Variants in WIPF1 observed in about 807,000 individuals in gnomAD.
The protein encoded by WIPF1 is WAS/WASL interacting protein family member 1.
WIPF1 carries 13 observed loss-of-function variants against 35.4 expected under a neutral mutation model. That is an observed-to-expected ratio of 0.37 (90% CI 0.24 to 0.58). The LOEUF is 0.58. WIPF1 is among the 20% of genes least tolerant of loss of function. The pLI is 0.74. For missense variants in WIPF1, 591 were observed against 667.0 expected (o/e 0.89, Z 1.25); for synonymous variants, 267 against 266.3 (o/e 1.00, Z -0.02).
At chr2:174,675,833 C>T (rs1463213701) in intron 1 of WIPF1, among the ~76,000 whole-genome samples, 4 of 7,086 alleles carry the variant, frequency 5.6e-4, no homozygotes, top group South Asian at 4.1e-3. Flanking sequence ...GGGGTGGAGG[C>T]GGGGGTGTGA....
At chr2:174,626,540 A>G (rs1686836981) in intron 1 of WIPF1, among the ~76,000 whole-genome samples, 1 of 152,044 alleles carries the variant, frequency 6.6e-6, no homozygotes, top group Admixed American at 6.5e-5. Context: ...ATCCCAAACA[A>G]AAGTCTTAGT....
intron 1 of WIPF1, among the ~76,000 whole-genome samples, chr2:174,653,863 C>A (rs948132115): frequency 6.6e-6 from 1 of 152,054 alleles, no homozygotes; most frequent in African/African-American, 2.4e-5. Flanking sequence ...CAGTGCTTTG[C>A]CACTGATCAC....
chr2:174,574,912 T>C, intron 4 of WIPF1: 1 of 715,888 alleles, frequency 1.4e-6, no homozygotes, highest in Non-Finnish European at 2.6e-6. Flanking sequence ...TTCTATTTGC[T>C]CCTCCCTTTT....
intron 3 of WIPF1, 62 bp downstream of exon 3, chr2:174,581,248 T>C: frequency 1.3e-6 from 2 of 1,593,844 alleles, no homozygotes; most frequent in Non-Finnish European, 1.7e-6. Context: ...GTGGTGAGGG[T>C]AGGGTTGATT....
chr2:174,583,158 T>C (rs1470383730), intron 2 of WIPF1, among the ~76,000 whole-genome samples: 1 of 152,240 alleles, frequency 6.6e-6, no homozygotes, highest in African/African-American at 2.4e-5. Flanking sequence ...GTTAAAAGTT[T>C]CTCTGCTGTC....
chr2:174,602,466 A>G (rs1038792033), upstream of WIPF1, among the ~76,000 whole-genome samples: 9 of 152,230 alleles, frequency 5.9e-5, no homozygotes, highest in Non-Finnish European at 1.3e-4. Context: ...GTTTTATAAT[A>G]CTGCATCCCG....
intron 1 of WIPF1, among the ~76,000 whole-genome samples, chr2:174,604,854 T>C (rs565458559): frequency 8.5e-5 from 13 of 152,362 alleles, no homozygotes; most frequent in African/African-American, 3.1e-4. Context: ...GATCCAGATC[T>C]GGAGTAACTC....
chr2:174,564,640 A>G (rs1278670609), intron 7 of WIPF1, among the ~76,000 whole-genome samples: 1 of 152,180 alleles, frequency 6.6e-6, no homozygotes, highest in Non-Finnish European at 1.5e-5. Context: ...GGGTACAGGG[A>G]AGATGGTCTA....
intron 1 of WIPF1, among the ~76,000 whole-genome samples, chr2:174,632,568 G>A (rs139393339): frequency 1.6e-3 from 238 of 151,978 alleles, no homozygotes; most frequent in African/African-American, 4.8e-3. Flanking sequence ...TATTAGCCAC[G>A]TGTGGTGATG....
chr2:174,623,576 C>G (rs942502354), intron 1 of WIPF1: 1 of 152,230 alleles, frequency 6.6e-6, no homozygotes, highest in Admixed American at 6.5e-5. Context: ...ATACCCAAAT[C>G]TCAGTCTATG....
At chr2:174,597,171 T>C (rs921920270) in intron 1 of WIPF1, among the ~76,000 whole-genome samples, 3 of 152,230 alleles carry the variant, frequency 2.0e-5, no homozygotes, top group Non-Finnish European at 4.4e-5. Flanking sequence ...ACAGCTTAGT[T>C]CCATGGTATT....
At position 174,567,069 on chromosome 2, in the gene WIPF1, C is replaced by T; in HGVS notation, c.1456+1G>A. ...TCAAAAACCTTGGCAGAAATACTCA[C>T]TCCGGCTTTCGTTTCTTGCCAGTTT... is the stretch of plus-strand genomic sequence containing the variant. On this transcript the variant is annotated splice_donor_variant, in intron 7 of 7. Coordinates refer to ENST00000679041, the MANE Select transcript of WIPF1 (RefSeq NM_001375834.1). LOFTEE classifies it high-confidence loss of function. 1 of 1,614,086 alleles carries T rather than the reference C, an allele frequency of 6.2e-7. No individual in the cohort carries two copies. The highest frequency in any genetic ancestry group is 1.3e-5 in the African/African-American group (1 of 75,058).
chr2:174,626,476 C>T (rs1258111613), intron 1 of WIPF1, among the ~76,000 whole-genome samples: 1 of 152,138 alleles, frequency 6.6e-6, no homozygotes, highest in Non-Finnish European at 1.5e-5. Flanking sequence ...ATCCAACTGC[C>T]CACTTGACAT....
At chr2:174,642,654 T>C (rs1687323570) in intron 1 of WIPF1, among the ~76,000 whole-genome samples, 1 of 148,464 alleles carries the variant, frequency 6.7e-6, no homozygotes, top group South Asian at 2.1e-4. Flanking sequence ...GCCTTTTTTG[T>C]TGTTGTTGTT....
chr2:174,600,072 C>T (rs551644288), upstream of WIPF1, among the ~76,000 whole-genome samples: 107 of 152,260 alleles, frequency 7.0e-4, no homozygotes, highest in African/African-American at 2.3e-3. Context: ...GAATCTAATG[C>T]GCAGCTGATC....
At chr2:174,562,964 C>T (rs1347864941) in intron 7 of WIPF1, among the ~76,000 whole-genome samples, 2 of 152,166 alleles carry the variant, frequency 1.3e-5, no homozygotes, top group African/African-American at 2.4e-5. Flanking sequence ...ATATTTTTTA[C>T]TTAGAAACAG....
At chr2:174,660,112 C>T (rs981242153) in intron 1 of WIPF1, among the ~76,000 whole-genome samples, 1 of 152,212 alleles carries the variant, frequency 6.6e-6, no homozygotes, top group Non-Finnish European at 1.5e-5. Context: ...GATGTGATAA[C>T]TGTCTTCAAA....
chr2:174,632,484 C>T (rs886361938), intron 1 of WIPF1, among the ~76,000 whole-genome samples: 1 of 151,798 alleles, frequency 6.6e-6, no homozygotes, highest in South Asian at 2.1e-4. Context: ...CTGAGGCGGG[C>T]GGATCACCTG....
rs531828462 is a variant in WIPF1 at position 174,627,321 on chromosome 2, G to A, written c.-38-41710C>T. 2.0e-5 allele frequency among the ~76,000 whole-genome samples: 3 copies of A among 151,930 alleles called. No homozygotes were observed. In the South Asian group the frequency reaches 6.2e-4, roughly 32 times the overall value. On this transcript the variant is annotated intron_variant, in intron 1 of 8. Coordinates refer to the WIPF1 transcript ENST00000272746. ...ACTTAATAAATAAATCTGAATTAAG[G>A]GAAAATGCCAAACAAGAAAAACAAA...
Sources: gnomAD v4.1 joint callset for allele counts (sites outside exome capture counted in the v4.1 genomes callset) on GRCh38, gnomAD v4.1.1 for gene constraint, MANE v1.5 for transcripts, NCBI Gene and HGNC (gene_info 2026-07-23, HGNC 2026-07-21) for gene names.